Variants in MYT1 observed in about 807,000 individuals in gnomAD.
MYT1 encodes the protein myelin transcription factor I.
Under a neutral mutation model 123.0 loss-of-function variants are expected in MYT1, and 23 were observed. The observed-to-expected ratio is 0.19, with a 90% CI of 0.13 to 0.26. The LOEUF (loss-of-function observed/expected upper bound fraction) is 0.26, where lower values mean the gene tolerates loss of function less well. Ranked by LOEUF, MYT1 falls within the 10% of genes least tolerant of loss-of-function variation. The pLI is 1.00. For synonymous variants in MYT1, 518 were observed against 575.3 expected (o/e 0.90, Z 1.43); for missense variants, 1,125 against 1,472.5 (o/e 0.76, Z 3.86).
intron 3 of MYT1, among the ~76,000 whole-genome samples, chr20:64,199,609 T>C (rs1983231906): frequency 6.6e-6 from 1 of 152,156 alleles, no homozygotes; most frequent in Non-Finnish European, 1.5e-5. Context: ...CTGTCTGAGG[T>C]GGAGCATCTG....
At chr20:64,206,231 G>T (rs1206043826) in intron 6 of MYT1, among the ~76,000 whole-genome samples, 1 of 152,166 alleles carries the variant, frequency 6.6e-6, no homozygotes, top group Non-Finnish European at 1.5e-5. Flanking sequence ...AGAGGTCTGC[G>T]TTCCCCTGAG....
chr20:64,197,811 G>C (rs1312821203), intron 2 of MYT1, among the ~76,000 whole-genome samples: 1 of 152,200 alleles, frequency 6.6e-6, no homozygotes, highest in African/African-American at 2.4e-5. Context: ...TCCCTCGCCG[G>C]ACAATGCTGT....
intron 1 of MYT1, among the ~76,000 whole-genome samples, chr20:64,165,272 T>G (rs1982047026): frequency 6.6e-6 from 1 of 151,958 alleles, no homozygotes; most frequent in South Asian, 2.1e-4. Context: ...TTTCTCAACT[T>G]AAGGATCAAT....
intron 14 of MYT1, among the ~76,000 whole-genome samples, chr20:64,222,840 C>T (rs1434344605): frequency 6.6e-6 from 1 of 152,254 alleles, no homozygotes; most frequent in African/African-American, 2.4e-5. Flanking sequence ...TGGGCACATA[C>T]ACGTGCACAC....
At chr20:64,171,017 C>T (rs140438971) in intron 1 of MYT1, among the ~76,000 whole-genome samples, 581 of 148,342 alleles carry the variant, frequency 3.9e-3, no homozygotes, top group Non-Finnish European at 6.3e-3. Flanking sequence ...CAAGCAATTC[C>T]GTCTGCCTCA....
chr20:64,215,116 C>T (rs1441514129), intron 10 of MYT1, among the ~76,000 whole-genome samples: 1 of 152,220 alleles, frequency 6.6e-6, no homozygotes, highest in Non-Finnish European at 1.5e-5. Flanking sequence ...ATCTTATTTG[C>T]TGTTCCCTCC....
intron 4 of MYT1, among the ~76,000 whole-genome samples, chr20:64,204,241 A>G (rs1307561373): frequency 6.6e-6 from 1 of 152,224 alleles, no homozygotes; most frequent in Non-Finnish European, 1.5e-5. Context: ...AGAAGTTTCC[A>G]GAGCTTCCTG....
chr20:64,219,280 G>A (rs1189576769), intron 12 of MYT1, among the ~76,000 whole-genome samples: 5 of 152,236 alleles, frequency 3.3e-5, no homozygotes, highest in Admixed American at 6.5e-5. Context: ...AAGTTCCCAC[G>A]TGTTAGGTTG....
At chr20:64,204,728 C>T (rs1008608323) in intron 4 of MYT1, among the ~76,000 whole-genome samples, 2 of 152,176 alleles carry the variant, frequency 1.3e-5, no homozygotes, top group African/African-American at 4.8e-5. Context: ...CAGAGCGTCT[C>T]GTGTCCAAGC....
chr20:64,219,935 C>T lies in MYT1; in HGVS notation c.2194C>T (p.Leu732=). The T allele has an allele frequency of 1.9e-6, 3 of 1,548,392 alleles. No individual in the cohort carries two copies. In the South Asian group the frequency reaches 3.6e-5, roughly 18 times the overall value. The change falls in exon 13 of 23, where the codon CTG becomes TTG. Residue 732 remains leucine, a synonymous_variant. Transcript: ENST00000328439. ...ASRQDEWDRP[L]DYTKPSRLRE... ...CCGCCAGGACGAGTGGGACCGGCCC[C>T]TGGACTACACCAAGCCTAGCCGCCT... is the stretch of plus-strand genomic sequence containing the variant.
At chr20:64,177,658 G>GGTGGGGA (rs1982507944) in intron 1 of MYT1, among the ~76,000 whole-genome samples, 3 of 150,268 alleles carry the variant, frequency 2.0e-5, no homozygotes, top group Admixed American at 6.6e-5. Context: ...CCTCTCCAGG[G>GGTGGGGA]CAGGGACAAG....
At position 64,231,768 on chromosome 20, in the gene MYT1, G is replaced by A. The variant is rs1184895975; in HGVS notation, c.2676-396G>A. ...TGCTTGATGCAAGCTCCCAGGGAGT[G>A]GCCTCTAGGTGGTCTCAGCTGACAA... is the stretch of plus-strand genomic sequence containing the variant. On this transcript the variant is annotated intron_variant, in intron 18 of 22. Coordinates refer to ENST00000328439, the MANE Select transcript of MYT1 (RefSeq NM_004535.3). This position sits in a 1 kb window ranked among gnomAD's most constrained non-coding sequence, Gnocchi z 6.4. Among the ~76,000 whole-genome samples the A allele has an allele frequency of 1.3e-5, 2 of 152,150 alleles. No individual in the cohort carries two copies.
rs377618731 is a variant in MYT1, at chr20:64,239,160, G to A, written c.3094-600G>A. ...GGCCTCAGGGCCAACACAACCCTGG[G>A]CAGGTTCACCGCCATGGTGGGGAAG... On this transcript the variant is annotated intron_variant, in intron 21 of 22. Coordinates refer to ENST00000328439, the MANE Select transcript of MYT1 (RefSeq NM_004535.3). 3.3e-5 allele frequency among the ~76,000 whole-genome samples: 5 copies of A among 152,236 alleles called. No homozygotes were observed. The South Asian group carries it at 6.2e-4, about 19-fold the overall frequency.
chr20:64,165,120 C>G (rs1340888727), intron 1 of MYT1, among the ~76,000 whole-genome samples: 3 of 152,032 alleles, frequency 2.0e-5, no homozygotes, highest in Non-Finnish European at 4.4e-5. Flanking sequence ...CCAGCAGCCC[C>G]GTACCTGGGG....
At chr20:64,238,269 T>A (rs954528457) in intron 21 of MYT1, among the ~76,000 whole-genome samples, 1 of 152,170 alleles carries the variant, frequency 6.6e-6, no homozygotes, top group Non-Finnish European at 1.5e-5. Context: ...CACAGAGAAT[T>A]TGGGCAGAGC....
At position 64,208,040 on chromosome 20, in the gene MYT1, G is replaced by GA. The variant is rs1392973834; in HGVS notation, c.845dup (p.Glu283GlyfsTer28). Reference sequence around the variant, plus strand: ...GGATGAAGAAGAGGAAGAGGAAGAGGAGGAGGAAGAGGAAGAGGAGGAGGA... The same window carrying GA: ...GGATGAAGAAGAGGAAGAGGAAGAGGAAGGAGGAAGAGGAAGAGGAGGAGGA... On this transcript the variant is annotated frameshift_variant, in exon 7 of 23. Coordinates refer to ENST00000328439, the MANE Select transcript of MYT1 (RefSeq NM_004535.3). LOFTEE classifies it high-confidence loss of function. This position sits in a 1 kb window ranked among gnomAD's most constrained non-coding sequence, Gnocchi z 5.4. 1.2e-6 allele frequency: 2 copies of GA among 1,601,736 alleles called. No individual in the cohort carries two copies. Among genetic ancestry groups the GA allele is most frequent in the Non-Finnish European group, 1.7e-6 (2 of 1,174,822 alleles).
rs1568708222 is a variant in MYT1 at position 64,202,017 on chromosome 20, T to TGTCGGGAACCCCCGCGTGTCGGGAACCCC, written c.86+2095_86+2096insGTCGGGAACCCCCGCGTGTCGGGAACCCC. Among the ~76,000 whole-genome samples, 2 of 17,460 alleles carry TGTCGGGAACCCCCGCGTGTCGGGAACCCC rather than the reference T, an allele frequency of 1.1e-4. No homozygotes were observed. Among genetic ancestry groups the TGTCGGGAACCCCCGCGTGTCGGGAACCCC allele is most frequent in the East Asian group, 1.8e-3 (2 of 1,116 alleles). The allele number at this position is 17,460 out of a possible 152,430, so 11.5% of individuals were successfully genotyped here. A position where few individuals can be genotyped will look rare whatever the true frequency, so the allele number is the denominator to read the frequency against. ...GGAACCCCCGCGTGTCGGGAACCCC[T>TGTCGGGAACCCCCGCGTGTCGGGAACCCC]CGCGTGTCGGGAACCCCCGCGTGTC... On this transcript the variant is annotated intron_variant, in intron 4 of 22. Transcript: ENST00000328439. The surrounding 1 kb of genome is among the most constrained non-coding windows in gnomAD (Gnocchi z 5.0).
intron 2 of MYT1, among the ~76,000 whole-genome samples, chr20:64,195,524 T>C (rs554800414): frequency 9.0e-4 from 136 of 151,660 alleles, no homozygotes; most frequent in Non-Finnish European, 1.6e-3. Context: ...GCCTCCCAAG[T>C]AGCTGAGACT....
intron 1 of MYT1, among the ~76,000 whole-genome samples, chr20:64,180,111 A>G (rs544231667): frequency 2.7e-5 from 4 of 150,764 alleles, no homozygotes; most frequent in African/African-American, 9.8e-5. Context: ...TGCTACACAC[A>G]CGCTACACAC....
Sources: allele counts gnomAD v4.1 joint callset (sites outside exome capture counted in the v4.1 genomes callset), GRCh38; gene constraint gnomAD v4.1.1; non-coding constraint Gnocchi (gnomAD v3.1); transcripts MANE v1.5; gene names NCBI Gene and HGNC (gene_info 2026-07-23, HGNC 2026-07-21).